Variants in EML6 observed in about 807,000 individuals in gnomAD.
EML6 encodes the protein EMAP like 6.
Under a neutral mutation model 240.1 loss-of-function variants are expected in EML6, and 154 were observed. That is an observed-to-expected ratio of 0.64 (90% CI 0.56 to 0.73). EML6 has a LOEUF of 0.73. Among genes scored for constraint, EML6 ranks in the 30% least tolerant of loss-of-function variants. The pLI, the probability that EML6 is intolerant of heterozygous loss-of-function variation, is 0.00. For missense variants in EML6, 2,964 were observed against 2,474.6 expected (o/e 1.20, Z -4.20); for synonymous variants, 1,148 against 899.0 (o/e 1.28, Z -4.95).
intron 26 of EML6, among the ~76,000 whole-genome samples, chr2:54,926,852 A>G (rs1265738617): frequency 1.3e-5 from 2 of 151,680 alleles, no homozygotes; most frequent in African/African-American, 2.4e-5. Flanking sequence ...GTTTCCTTGA[A>G]CCTTTCTTTT....
intron 28 of EML6, among the ~76,000 whole-genome samples, chr2:54,936,402 C>T (rs533522086): frequency 6.6e-6 from 1 of 152,110 alleles, no homozygotes; most frequent in African/African-American, 2.4e-5. Flanking sequence ...GGTGGATGTC[C>T]TCATTTCTTC....
chr2:54,764,482 A>G (rs1256325429), intron 2 of EML6, among the ~76,000 whole-genome samples: 3 of 152,058 alleles, frequency 2.0e-5, no homozygotes, highest in Non-Finnish European at 2.9e-5. Context: ...TGTATAAGGA[A>G]TTTGAGGTGC....
chr2:54,817,396 A>G (rs1457998503), intron 4 of EML6, among the ~76,000 whole-genome samples: 1 of 152,224 alleles, frequency 6.6e-6, no homozygotes, highest in African/African-American at 2.4e-5. Flanking sequence ...GGGTATATAC[A>G]TATAACTGGT....
intron 26 of EML6, among the ~76,000 whole-genome samples, chr2:54,921,662 T>C (rs1674261075): frequency 6.6e-6 from 1 of 152,070 alleles, no homozygotes; most frequent in African/African-American, 2.4e-5. Context: ...TGTCACACTT[T>C]GAAATATACA....
chr2:54,812,166 A>T (rs1667879766), intron 2 of EML6, among the ~76,000 whole-genome samples: 1 of 152,164 alleles, frequency 6.6e-6, no homozygotes, highest in Non-Finnish European at 1.5e-5. Flanking sequence ...TGACTATATC[A>T]TCTATTTTCT....
intron 2 of EML6, among the ~76,000 whole-genome samples, chr2:54,755,875 G>C (rs891823813): frequency 1.3e-4 from 19 of 151,926 alleles, no homozygotes; most frequent in Admixed American, 5.2e-4. Flanking sequence ...GCCCAGGGTG[G>C]TTCTGCTTAG....
intron 2 of EML6, among the ~76,000 whole-genome samples, chr2:54,782,240 C>A (rs924375953): frequency 6.6e-6 from 1 of 152,118 alleles, no homozygotes; most frequent in Non-Finnish European, 1.5e-5. Flanking sequence ...TTGATTAGTT[C>A]TTTTCCCTGA....
intron 2 of EML6, among the ~76,000 whole-genome samples, chr2:54,762,157 C>G (rs1668006989): frequency 6.6e-6 from 1 of 152,106 alleles, no homozygotes; most frequent in South Asian, 2.1e-4. Context: ...GTGCCTAAGC[C>G]TCTCTTTATC....
At chr2:54,737,790 A>G (rs1683462853) in intron 2 of EML6, among the ~76,000 whole-genome samples, 1 of 152,144 alleles carries the variant, frequency 6.6e-6, no homozygotes, top group Non-Finnish European at 1.5e-5. Flanking sequence ...CTCAGAGGAA[A>G]AGCCAGAGTC....
chr2:54,961,111 T>C (rs1486525008), intron 35 of EML6, among the ~76,000 whole-genome samples: 4 of 150,894 alleles, frequency 2.7e-5, no homozygotes, highest in African/African-American at 9.8e-5. Context: ...AGCTAAGTGA[T>C]GCCCACCTGG....
rs151301809 is a variant in EML6, at chr2:54,753,797, G to A, written c.197+28539G>A. On this transcript the variant is annotated intron_variant, in intron 2 of 41. Transcript: ENST00000356458. ...AGTGATTCTCTGGCCTCAGCCTCCC[G>A]AGTAGTTGGGACTACAGGTGCACAT... 2.0e-3 allele frequency among the ~76,000 whole-genome samples: 305 copies of A among 151,412 alleles called. 3 individuals are homozygous for A. The highest frequency in any genetic ancestry group is 6.9e-3 in the African/African-American group (285 of 41,266).
chr2:54,816,439 G>A (rs1032106814), intron 3 of EML6, among the ~76,000 whole-genome samples: 6 of 152,150 alleles, frequency 3.9e-5, no homozygotes, highest in African/African-American at 1.2e-4. Flanking sequence ...CTCACATTAA[G>A]ATTTTACCTA....
chr2:54,943,480 A>G (rs546009653), intron 28 of EML6, among the ~76,000 whole-genome samples: 1 of 152,162 alleles, frequency 6.6e-6, no homozygotes, highest in East Asian at 1.9e-4. Flanking sequence ...AAACTTACAC[A>G]TTTCTGCCGT....
chr2:54,777,594 T>G (rs1397060786), intron 2 of EML6, among the ~76,000 whole-genome samples: 1 of 152,240 alleles, frequency 6.6e-6, no homozygotes, highest in East Asian at 1.9e-4. Flanking sequence ...CTTATGGTCC[T>G]CATTTAACTC....
chr2:54,810,116 T>A (rs1667758538), intron 2 of EML6, among the ~76,000 whole-genome samples: 1 of 152,150 alleles, frequency 6.6e-6, no homozygotes, highest in Admixed American at 6.5e-5. Context: ...GAGAAAAAGC[T>A]CATTTTCTTA....
chr2:54,787,395 GATTGA>G (rs1452318115), intron 2 of EML6, among the ~76,000 whole-genome samples: 1 of 152,124 alleles, frequency 6.6e-6, no homozygotes, highest in Non-Finnish European at 1.5e-5. Context: ...GTTATGAAAA[GATTGA>G]ATTGTAGTCA....
intron 2 of EML6, among the ~76,000 whole-genome samples, chr2:54,791,802 C>T (rs1669471571): frequency 6.6e-6 from 1 of 152,174 alleles, no homozygotes; most frequent in South Asian, 2.1e-4. Context: ...GATTATACTA[C>T]AAAGTAGCTG....
At chr2:54,890,655 G>A (rs763100110) in intron 17 of EML6, among the ~76,000 whole-genome samples, 2 of 152,086 alleles carry the variant, frequency 1.3e-5, no homozygotes, top group African/African-American at 2.4e-5. Flanking sequence ...GAAGCTTTTC[G>A]TTAATACTCT....
At chr2:54,903,258 T>A in intron 23 of EML6, 62 bp downstream of exon 23, 1 of 1,525,620 alleles carries the variant, frequency 6.6e-7, no homozygotes, top group Non-Finnish European at 8.9e-7. Context: ...ATTACAAGAA[T>A]GAACTATTTC....
Sources: allele counts gnomAD v4.1 joint callset (sites outside exome capture counted in the v4.1 genomes callset), GRCh38; gene constraint gnomAD v4.1.1; transcripts MANE v1.5; gene names NCBI Gene and HGNC (gene_info 2026-07-23, HGNC 2026-07-21).